TRAPPC4: variants seen among roughly 807,000 people sequenced by gnomAD.
TRAPPC4 encodes TRS23 homolog.
TRAPPC4 carries 30 observed loss-of-function variants against 23.5 expected under a neutral mutation model. The ratio of observed to expected loss-of-function variants is 1.28; its 90% CI spans 0.96 to 1.73. The LOEUF is 1.73. Among genes scored for constraint, TRAPPC4 ranks in the 40% most tolerant of loss-of-function variants. The pLI, the probability that TRAPPC4 is intolerant of heterozygous loss-of-function variation, is 0.00. For synonymous variants in TRAPPC4, 129 were observed against 105.3 expected, an observed-to-expected ratio of 1.23 and a Z score of -1.38; for missense variants, 252 against 268.9, an observed-to-expected ratio of 0.94 and a Z score of 0.44.
At chr11:119,020,021 C>T (rs992642298) in intron 2 of TRAPPC4, 129 bp from the exon 3 acceptor site, 5 of 559,462 alleles carry the variant, frequency 8.9e-6, no homozygotes, top group East Asian at 5.8e-5. Context: ...ACACTACTGC[C>T]AGTCAGTTCA....
At chr11:119,020,556 C>CCA (rs1429915368) in intron 3 of TRAPPC4, 2 of 259,810 alleles carry the variant, frequency 7.7e-6, no homozygotes, top group Non-Finnish European at 1.5e-5. Flanking sequence ...GCATGTGTCA[C>CCA]CACACCCGGC....
In TRAPPC4 at chr11:119,023,430, A is replaced by AGAGT. The variant is rs1943454661; in HGVS notation, c.*32_*35dup. The AGAGT allele has an allele frequency of 6.2e-7, 1 of 1,605,652 alleles. No homozygotes were observed. The highest frequency in any genetic ancestry group is 8.5e-7 in the Non-Finnish European group (1 of 1,172,622). ...ACCTGTTATGGACCCCCAAATTCTG[A>AGAGT]GAGTTCCTGCAACAAGAATACTGCT... On this transcript the variant is annotated 3_prime_UTR_variant, in exon 5 of 5. Transcript: ENST00000533632.
Position 119,023,429 on chromosome 11 carries a change from G to A in TRAPPC4, c.*30G>A, listed in dbSNP as rs782209665. 1.4e-5 allele frequency: 23 copies of A among 1,605,740 alleles called. No individual in the cohort carries two copies. Among genetic ancestry groups the A allele is most frequent in the Non-Finnish European group, 1.9e-5 (22 of 1,172,638 alleles). ...AACCTGTTATGGACCCCCAAATTCT[G>A]AGAGTTCCTGCAACAAGAATACTGC... is the stretch of plus-strand genomic sequence containing the variant. On this transcript the variant is annotated 3_prime_UTR_variant, in exon 5 of 5. Transcript: ENST00000533632.
chr11:119,022,377 G>C (rs888446636), intron 4 of TRAPPC4, among the ~76,000 whole-genome samples: 1 of 151,886 alleles, frequency 6.6e-6, no homozygotes, highest in African/African-American at 2.4e-5. Context: ...GATCACTTCA[G>C]CCCAGGAGTT....
intron 2 of TRAPPC4, chr11:119,019,664 C>A (rs896517042): frequency 1.6e-5 from 4 of 246,814 alleles, no homozygotes; most frequent in Non-Finnish European, 3.2e-5. Context: ...TGGTCTCAAA[C>A]TCCTGACCTC....
At chr11:119,021,709 C>T (rs1452314949) in intron 3 of TRAPPC4, 51 bp from the exon 4 acceptor site, 2 of 1,603,744 alleles carry the variant, frequency 1.2e-6, no homozygotes, top group South Asian at 2.2e-5. Context: ...CAGGATGACA[C>T]TATTTGCTCC....
chr11:119,023,590 T>C lies in TRAPPC4; in HGVS notation c.*191T>C. The C allele has an allele frequency of 1.9e-6, 1 of 517,646 alleles. No homozygotes were observed. The highest frequency in any genetic ancestry group is 3.5e-6 in the Non-Finnish European group (1 of 284,304). The allele number at this position is 517,646 out of a possible 1,614,324, so 32.1% of individuals were successfully genotyped here. A position where few individuals can be genotyped will look rare whatever the true frequency, so the allele number is the denominator to read the frequency against. ...CCTTCTGTATATACCATGGTCTTAC[T>C]TTCCAACTCTGTACAGATTTATTTA... On this transcript the variant is annotated 3_prime_UTR_variant, in exon 5 of 5. Transcript: ENST00000533632.
Position 119,021,895 on chromosome 11 carries a change from C to A in TRAPPC4, c.581+9C>A, listed in dbSNP as rs1167747310. The stretch of plus-strand genomic sequence containing the variant: ...TTAGAAATGCCTATCAGGTAAGTGG[C>A]CCCACTTCCCAGATACTGTTTAAAG... On this transcript the variant is annotated intron_variant, in intron 4 of 4. Coordinates refer to ENST00000533632, the MANE Select transcript of TRAPPC4 (RefSeq NM_016146.6). The A allele has an allele frequency of 1.9e-6, 3 of 1,613,842 alleles. No homozygotes were observed. Among genetic ancestry groups the A allele is most frequent in the East Asian group, 4.5e-5 (2 of 44,882 alleles).
intron 3 of TRAPPC4, 94 bp downstream of exon 3, chr11:119,020,347 G>C (rs983611151): frequency 1.0e-6 from 1 of 968,532 alleles, no homozygotes; most frequent in Non-Finnish European, 1.6e-6. Flanking sequence ...AGAGGAGTGT[G>C]GTGGAGAAGG....
At chr11:119,020,417 C>G in intron 3 of TRAPPC4, 164 bp downstream of exon 3, 2 of 577,996 alleles carry the variant, frequency 3.5e-6, no homozygotes, top group Admixed American at 5.9e-5. Flanking sequence ...GTGTGCTTTT[C>G]CTGGCACAAT....
chr11:119,019,897 C>T (rs1592096815), intron 2 of TRAPPC4: 1 of 362,364 alleles, frequency 2.8e-6, no homozygotes. Flanking sequence ...GCTTAGTAAG[C>T]GTGGCACATA....
Position 119,018,975 on chromosome 11 carries a change from G to C in TRAPPC4, c.175+5G>C, listed in dbSNP as rs1325994961. 1.2e-6 allele frequency: 2 copies of C among 1,610,586 alleles called. No homozygotes were observed. The highest frequency in any genetic ancestry group is 1.3e-5 in the African/African-American group (1 of 75,034). Reference sequence around the variant, plus strand: ...GCCAGCGGGACGGCATCCGAGGTGGGCTAGGCTCGGGCCCGTGGCGGGTGC... The same window carrying C: ...GCCAGCGGGACGGCATCCGAGGTGGCCTAGGCTCGGGCCCGTGGCGGGTGC... On this transcript the variant is annotated splice_donor_5th_base_variant and intron_variant, in intron 1 of 4. Transcript: ENST00000533632.
At chr11:119,018,995 G>A (rs782138817) in intron 1 of TRAPPC4, 25 bp downstream of exon 1, 1 of 1,604,910 alleles carries the variant, frequency 6.2e-7, no homozygotes, top group Non-Finnish European at 8.5e-7. Flanking sequence ...GGCCCGTGGC[G>A]GGTGCGGGGG....
In TRAPPC4 at chr11:119,021,816, C is replaced by T. The variant is rs782488084; in HGVS notation, c.511C>T (p.Arg171Ter). 63 of 1,613,946 alleles carry T rather than the reference C, an allele frequency of 3.9e-5. No homozygotes were observed. The highest frequency in any genetic ancestry group is 6.7e-5 in the African/African-American group (5 of 74,900). ...PRQAGIDSLL[R>*]KIYEIYSDFA... ...GCAAGCTGGAATAGATTCTCTTCTC[C>T]GAAAGATTTATGAGATTTACTCAGA... Residue 171 changes from arginine (R) to a stop codon, truncating the protein, a stop_gained, in exon 4 of 5, where the codon CGA (arginine) becomes TGA (stop). Transcript: ENST00000533632. LOFTEE classifies it high-confidence loss of function.
chr11:119,021,688 C>CTGTA, intron 3 of TRAPPC4, 72 bp from the exon 4 acceptor site: 1 of 1,540,920 alleles, frequency 6.5e-7, no homozygotes, highest in Non-Finnish European at 8.8e-7. Context: ...ATTGAAAGTG[C>CTGTA]TGTACAAATA....
intron 1 of TRAPPC4, 33 bp from the exon 2 acceptor site, chr11:119,019,109 GC>G (rs782615066): frequency 1.9e-6 from 3 of 1,605,310 alleles, no homozygotes; most frequent in Non-Finnish European, 2.6e-6. Flanking sequence ...TCCCCGGGCT[GC>G]ACCTTCGCTG....
chr11:119,021,544 T>A, intron 3 of TRAPPC4: 1 of 463,826 alleles, frequency 2.2e-6, no homozygotes. Flanking sequence ...CAAAGCCTGG[T>A]CTTAATCAGG....
chr11:119,022,437 AATTAGCCTGG>A (rs1341286140), intron 4 of TRAPPC4, among the ~76,000 whole-genome samples: 1 of 152,190 alleles, frequency 6.6e-6, no homozygotes, highest in Non-Finnish European at 1.5e-5. Flanking sequence ...AAAAAAAAAA[AATTAGCCTGG>A]TGTGGTGGCG....
chr11:119,021,890 A>G lies in TRAPPC4; in HGVS notation c.581+4A>G. On this transcript the variant is annotated splice_donor_region_variant and intron_variant, in intron 4 of 4. Transcript: ENST00000533632. ...ATTCCTTAGAAATGCCTATCAGGTA[A>G]GTGGCCCCACTTCCCAGATACTGTT... 6.2e-7 allele frequency: 1 copy of G among 1,614,038 alleles called. No individual in the cohort carries two copies. The highest frequency in any genetic ancestry group is 8.5e-7 in the Non-Finnish European group (1 of 1,179,924).
Sources: gnomAD v4.1 joint callset for allele counts (sites outside exome capture counted in the v4.1 genomes callset) on GRCh38, gnomAD v4.1.1 for gene constraint, MANE v1.5 for transcripts, NCBI Gene and HGNC (gene_info 2026-07-23, HGNC 2026-07-21) for gene names.